CPQ: variants seen among roughly 807,000 people sequenced by gnomAD.
CPQ encodes the protein carboxypeptidase Q.
In CPQ, 37 loss-of-function variants were observed where a neutral mutation model predicts 45.7. That is an observed-to-expected ratio of 0.81 (90% CI 0.62 to 1.07). The LOEUF (loss-of-function observed/expected upper bound fraction) is 1.07. Among genes scored for constraint, CPQ ranks in the 50% least tolerant of loss-of-function variants. The probability of loss-of-function intolerance (pLI) is 0.00; values close to 1 mark genes in which losing one functional copy is unlikely to be tolerated. For missense variants in CPQ, 537 were observed against 572.9 expected (o/e 0.94, Z 0.64); for synonymous variants, 186 against 205.8 (o/e 0.90, Z 0.82).
At chr8:96,760,429 G>A (rs1810385143) in intron 1 of CPQ, among the ~76,000 whole-genome samples, 1 of 152,124 alleles carries the variant, frequency 6.6e-6, no homozygotes, top group Non-Finnish European at 1.5e-5. Flanking sequence ...TTTTTAGTCA[G>A]GTCTGTCAGA....
rs1811420149 is a variant in CPQ at position 96,829,385 on chromosome 8, C to G, written c.434-5588C>G. Among the ~76,000 whole-genome samples, 3 of 152,058 alleles carry G rather than the reference C, an allele frequency of 2.0e-5. 1 individual carries two copies. The South Asian group carries it at 6.2e-4, about 32-fold the overall frequency. On this transcript the variant is annotated intron_variant, in intron 2 of 7. Coordinates refer to ENST00000220763, the MANE Select transcript of CPQ (RefSeq NM_016134.4). The stretch of plus-strand genomic sequence containing the variant: ...CACTTTGCCCCTTGTTCCTCTTTCT[C>G]TCAACTAGTAGCTGAGTTTTAATTT...
intron 6 of CPQ, chr8:97,055,507 A>G (rs1810438993): frequency 6.6e-6 from 1 of 152,168 alleles, no homozygotes; most frequent in Non-Finnish European, 1.5e-5. Context: ...GACCAAGATC[A>G]TTTCTCCCAT....
chr8:96,773,140 G>A (rs1295489121), intron 1 of CPQ, among the ~76,000 whole-genome samples: 1 of 152,130 alleles, frequency 6.6e-6, no homozygotes, highest in Non-Finnish European at 1.5e-5. Flanking sequence ...AAAAGTGATT[G>A]TTAAAATGAT....
chr8:96,768,980 G>A (rs1810505562), intron 1 of CPQ, among the ~76,000 whole-genome samples: 1 of 152,188 alleles, frequency 6.6e-6, no homozygotes, highest in Non-Finnish European at 1.5e-5. Context: ...AGTACAATCA[G>A]CTTACTGTAA....
At chr8:96,910,901 C>T (rs939653783) in intron 4 of CPQ, among the ~76,000 whole-genome samples, 3 of 151,960 alleles carry the variant, frequency 2.0e-5, no homozygotes, top group Non-Finnish European at 4.4e-5. Context: ...TGAGTCAGGA[C>T]TTGAACCAGG....
chr8:96,958,711 C>T (rs970919479), intron 4 of CPQ, among the ~76,000 whole-genome samples: 5 of 152,080 alleles, frequency 3.3e-5, no homozygotes, highest in Admixed American at 2.0e-4. Context: ...GTAACATGCT[C>T]ACAGCATGCA....
chr8:96,918,280 A>G (rs1812758445), intron 4 of CPQ, among the ~76,000 whole-genome samples: 1 of 152,172 alleles, frequency 6.6e-6, no homozygotes, highest in Non-Finnish European at 1.5e-5. Context: ...TAAACATTAT[A>G]CATTGATTTC....
At chr8:96,741,664 G>A (rs945168944) in intron 1 of CPQ, among the ~76,000 whole-genome samples, 5 of 151,802 alleles carry the variant, frequency 3.3e-5, no homozygotes, top group Admixed American at 6.6e-5. Context: ...CAGAGATTCT[G>A]GTATGTTGTG....
intron 5 of CPQ, among the ~76,000 whole-genome samples, chr8:96,984,110 C>CT (rs1813958660): frequency 2.6e-5 from 4 of 151,544 alleles, no homozygotes; most frequent in African/African-American, 7.3e-5. Flanking sequence ...CATTCCCTTT[C>CT]TTTTTTTTAG....
intron 7 of CPQ, among the ~76,000 whole-genome samples, chr8:97,137,089 C>T (rs1046636878): frequency 6.6e-6 from 1 of 152,152 alleles, no homozygotes; most frequent in Non-Finnish European, 1.5e-5. Flanking sequence ...TGATAGAACA[C>T]GTTTTGGAGT....
Position 96,785,090 on chromosome 8 carries a change from G to A in CPQ, c.193G>A (p.Glu65Lys). The stretch of plus-strand genomic sequence containing the variant: ...TGGTAAAGCCCAGAACAGATCCTAT[G>A]AGCGATTGGCACTTCTGGTTGATAC... ...VYGKAQNRSY[E>K]RLALLVDTVG... Residue 65 changes from glutamate (E) to lysine (K), a missense_variant, in exon 2 of 8, where the codon GAG (glutamate) becomes AAG (lysine). Glu to Lys is a moderately conservative substitution (Grantham distance 56). Transcript: ENST00000220763. 6.2e-7 allele frequency: 1 copy of A among 1,613,810 alleles called. No individual in the cohort carries two copies. The highest frequency in any genetic ancestry group is 8.5e-7 in the Non-Finnish European group (1 of 1,179,850).
chr8:97,010,402 T>A (rs970109091), intron 5 of CPQ, among the ~76,000 whole-genome samples: 2 of 152,222 alleles, frequency 1.3e-5, no homozygotes, highest in African/African-American at 4.8e-5. Flanking sequence ...TACATTCTTT[T>A]AACTTTTGTT....
At chr8:96,829,318 G>A (rs1055451615) in intron 2 of CPQ, among the ~76,000 whole-genome samples, 3 of 152,118 alleles carry the variant, frequency 2.0e-5, no homozygotes, top group Non-Finnish European at 4.4e-5. Flanking sequence ...GACACAGTCC[G>A]GAGAGGATGG....
chr8:96,727,605 A>G (rs1348878626), intron 1 of CPQ, among the ~76,000 whole-genome samples: 1 of 152,226 alleles, frequency 6.6e-6, no homozygotes, highest in Non-Finnish European at 1.5e-5. Context: ...TTGAGGAAAG[A>G]TAACTCTTAG....
At chr8:96,654,257 CT>C in intron 1 of CPQ, among the ~76,000 whole-genome samples, 1 of 152,294 alleles carries the variant, frequency 6.6e-6, no homozygotes, top group South Asian at 2.1e-4. Context: ...CATTCACCAC[CT>C]TTTTTCCCAC....
intron 6 of CPQ, among the ~76,000 whole-genome samples, chr8:97,035,742 C>G (rs979769274): frequency 1.3e-5 from 2 of 152,128 alleles, no homozygotes; most frequent in African/African-American, 4.8e-5. Context: ...GAGTCTCGCT[C>G]TGTCGCCCAG....
intron 1 of CPQ, among the ~76,000 whole-genome samples, chr8:96,748,766 A>T (rs1011316610): frequency 1.3e-5 from 2 of 152,178 alleles, no homozygotes; most frequent in African/African-American, 4.8e-5. Context: ...ATTGCTACAG[A>T]TTGCTTTTAT....
At chr8:97,035,121 G>A (rs957253419) in intron 6 of CPQ, among the ~76,000 whole-genome samples, 2 of 152,030 alleles carry the variant, frequency 1.3e-5, no homozygotes, top group African/African-American at 4.8e-5. Context: ...TCGATCTCTC[G>A]ACCTCGTGAT....
At chr8:96,672,048 G>GATAGAA (rs1809010179) in intron 1 of CPQ, among the ~76,000 whole-genome samples, 1 of 151,768 alleles carries the variant, frequency 6.6e-6, no homozygotes, top group Non-Finnish European at 1.5e-5. Context: ...TCAGATAATT[G>GATAGAA]TCTCTCTGTG....
Sources: gnomAD v4.1 joint callset for allele counts (sites outside exome capture counted in the v4.1 genomes callset) on GRCh38, gnomAD v4.1.1 for gene constraint, MANE v1.5 for transcripts, NCBI Gene and HGNC (gene_info 2026-07-23, HGNC 2026-07-21) for gene names.